Variants in TRIP4 observed in about 807,000 individuals in gnomAD.
TRIP4 encodes the protein activating signal cointegrator 1.
A neutral mutation model predicts 81.8 loss-of-function variants in TRIP4; 54 were observed. That is an observed-to-expected ratio of 0.66 (90% CI 0.53 to 0.83). TRIP4 has a LOEUF of 0.83. Among genes scored for constraint, TRIP4 ranks in the 40% least tolerant of loss-of-function variants. The probability of loss-of-function intolerance (pLI) is 0.00; values close to 1 mark genes in which losing one functional copy is unlikely to be tolerated. For missense variants in TRIP4, 662 were observed against 683.6 expected (o/e 0.97, Z 0.35); for synonymous variants, 270 against 242.8 (o/e 1.11, Z -1.04).
Position 64,455,005 on chromosome 15 carries a change from G to A in TRIP4, c.1687G>A (p.Asp563Asn), listed in dbSNP as rs146064000. Residue 563 changes from aspartate to asparagine, a missense_variant, in exon 13 of 13, where the codon GAT becomes AAT. Physicochemically the swap from Asp to Asn is conservative, Grantham distance 23 (BLOSUM62 1). Transcript: ENST00000261884. ...ATTTTTCTCCCTTACAGGGAAATTG[G>A]ATTCCAAGATCCATCAAGGAGCAAA... The part of the protein sequence containing the change: ...IKGNPKIWKL[D>N]SKIHQGAKKG... 2.7e-5 allele frequency: 44 copies of A among 1,613,842 alleles called. No homozygotes were observed. In the African/African-American group the frequency reaches 5.3e-4, roughly 20 times the overall value.
At position 64,425,611 on chromosome 15, in the gene TRIP4, C is replaced by T. The variant is rs780352033; in HGVS notation, c.1555C>T (p.Gln519Ter). The T allele has an allele frequency of 6.2e-7, 1 of 1,611,256 alleles. No individual in the cohort carries two copies. Among genetic ancestry groups the T allele is most frequent in the African/African-American group, 1.3e-5 (1 of 74,864 alleles). Residue 519 changes from glutamine to a stop codon, truncating the protein, a stop_gained, in exon 11 of 13, where the codon CAG becomes TAG. Transcript: ENST00000261884. LOFTEE classifies it high-confidence loss of function. ...TGTGGACCTAATTGACTGCTTGTCCCAGAAGCAATTTAAGGAGCAGGTGAG... is the reference window on the plus strand; with the variant it reads ...TGTGGACCTAATTGACTGCTTGTCCTAGAAGCAATTTAAGGAGCAGGTGAG... Reference protein sequence around the residue: ...GCVDLIDCLSQKQFKEQFPDI... With the variant: ...GCVDLIDCLS
At chr15:64,395,085 G>A (rs1222655935) in intron 2 of TRIP4, among the ~76,000 whole-genome samples, 1 of 146,716 alleles carries the variant, frequency 6.8e-6, no homozygotes, top group Non-Finnish European at 1.5e-5. Context: ...GGTTCAAACG[G>A]TCCACCTGTC....
At chr15:64,391,970 CAAAAAAAAAAA>C (rs35193532) in intron 1 of TRIP4, among the ~76,000 whole-genome samples, 1 of 23,242 alleles carries the variant, frequency 4.3e-5, no homozygotes, top group Non-Finnish European at 7.7e-5. Context: ...GACTCTGTCT[CAAAAAAAAAAA>C]AAAAAAAAAA....
intron 12 of TRIP4, among the ~76,000 whole-genome samples, chr15:64,447,612 C>G (rs1367300101): frequency 6.6e-6 from 1 of 152,248 alleles, no homozygotes; most frequent in East Asian, 1.9e-4. Context: ...ATTCGAAGAT[C>G]TGAACCAAGT....
intron 7 of TRIP4, among the ~76,000 whole-genome samples, chr15:64,411,005 T>C (rs527376913): frequency 3.3e-5 from 5 of 152,196 alleles, no homozygotes; most frequent in Non-Finnish European, 2.9e-5. Context: ...TCATCAAATT[T>C]GGCTTAAATT....
chr15:64,421,798 CT>C (rs535707950), intron 9 of TRIP4, among the ~76,000 whole-genome samples: 1 of 152,236 alleles, frequency 6.6e-6, no homozygotes, highest in African/African-American at 2.4e-5. Context: ...AATCCCAGCA[CT>C]TTGGGAGGTC....
chr15:64,417,635 C>A (rs1248845254), intron 8 of TRIP4, among the ~76,000 whole-genome samples: 1 of 152,104 alleles, frequency 6.6e-6, no homozygotes, highest in Non-Finnish European at 1.5e-5. Flanking sequence ...CCTTATAATT[C>A]TCTATTCTTT....
chr15:64,397,069 T>C (rs919207010), intron 3 of TRIP4, among the ~76,000 whole-genome samples: 1 of 152,240 alleles, frequency 6.6e-6, no homozygotes, highest in African/African-American at 2.4e-5. Context: ...ATTAGGTTTT[T>C]TTTGCCCTTT....
chr15:64,450,142 C>G (rs1892722110), intron 12 of TRIP4, among the ~76,000 whole-genome samples: 1 of 151,364 alleles, frequency 6.6e-6, no homozygotes, highest in Non-Finnish European at 1.5e-5. Context: ...GCCTGTAATC[C>G]CAGCACTTTG....
intron 11 of TRIP4, among the ~76,000 whole-genome samples, chr15:64,438,779 G>A (rs562392707): frequency 1.3e-5 from 2 of 152,160 alleles, no homozygotes; most frequent in Non-Finnish European, 2.9e-5. Context: ...TTATGTGGAG[G>A]TTCTAGCATA....
rs183976875 is a variant in TRIP4 at position 64,402,448 on chromosome 15, C to T, written c.697+1627C>T. Reference sequence around the variant, plus strand: ...GTTGGTCAGGCTGGTCTTGAGCTCCCGACCTCAGGTGTTCCACCCACCTCA... The same window carrying T: ...GTTGGTCAGGCTGGTCTTGAGCTCCTGACCTCAGGTGTTCCACCCACCTCA... On this transcript the variant is annotated intron_variant, in intron 5 of 12. Coordinates refer to ENST00000261884, the MANE Select transcript of TRIP4 (RefSeq NM_016213.5). Among the ~76,000 whole-genome samples, 292 of 151,834 alleles carry T rather than the reference C, an allele frequency of 1.9e-3. 1 individual carries two copies. The highest frequency in any genetic ancestry group is 0.017 in the Middle Eastern group (5 of 292).
chr15:64,397,590 T>C lies in TRIP4; in HGVS notation c.406-16T>C. 3 of 1,603,806 alleles carry C rather than the reference T, an allele frequency of 1.9e-6. No individual in the cohort carries two copies. Among genetic ancestry groups the C allele is most frequent in the Non-Finnish European group, 2.6e-6 (3 of 1,172,006 alleles). ...CATTAATTATTTGATGTTATTTTGA[T>C]GTCTTTGTACGATAGGCACAAGAGA... On this transcript the variant is annotated splice_polypyrimidine_tract_variant and intron_variant, in intron 3 of 12. Coordinates refer to ENST00000261884, the MANE Select transcript of TRIP4 (RefSeq NM_016213.5).
chr15:64,440,734 A>G (rs1008645255), intron 11 of TRIP4, among the ~76,000 whole-genome samples: 2 of 152,060 alleles, frequency 1.3e-5, no homozygotes, highest in African/African-American at 4.8e-5. Flanking sequence ...CAAGGAACCT[A>G]TTGTTATTTA....
intron 11 of TRIP4, among the ~76,000 whole-genome samples, chr15:64,431,293 A>G (rs997613053): frequency 3.9e-5 from 6 of 152,160 alleles, no homozygotes; most frequent in Non-Finnish European, 1.5e-5. Flanking sequence ...CTGAGACTCA[A>G]CAAGAAGAAA....
intron 12 of TRIP4, among the ~76,000 whole-genome samples, chr15:64,452,573 A>G (rs1415653267): frequency 6.6e-6 from 1 of 152,160 alleles, no homozygotes; most frequent in Non-Finnish European, 1.5e-5. Flanking sequence ...AATGCACTTC[A>G]TGTTAGCTAT....
chr15:64,402,163 T>C (rs972228851), intron 5 of TRIP4, among the ~76,000 whole-genome samples: 1 of 152,130 alleles, frequency 6.6e-6, no homozygotes, highest in Non-Finnish European at 1.5e-5. Context: ...ACTCTACTTA[T>C]TTTCTAATTA....
At chr15:64,420,707 T>G (rs890774690) in intron 9 of TRIP4, among the ~76,000 whole-genome samples, 1 of 151,806 alleles carries the variant, frequency 6.6e-6, no homozygotes, top group Non-Finnish European at 1.5e-5. Flanking sequence ...TATGTGTGTG[T>G]GTTTTTACTA....
chr15:64,422,184 C>G (rs1172185538), intron 9 of TRIP4, among the ~76,000 whole-genome samples: 1 of 152,030 alleles, frequency 6.6e-6, no homozygotes, highest in East Asian at 1.9e-4. Flanking sequence ...GTAGATTAGG[C>G]CAGTATTATT....
intron 11 of TRIP4, among the ~76,000 whole-genome samples, chr15:64,427,496 C>T (rs1360766796): frequency 3.9e-5 from 6 of 152,148 alleles, no homozygotes; most frequent in Non-Finnish European, 8.8e-5. Flanking sequence ...CCACCTCAGC[C>T]TCCCAGTAGC....
Sources: allele counts gnomAD v4.1 joint callset (sites outside exome capture counted in the v4.1 genomes callset), GRCh38; gene constraint gnomAD v4.1.1; transcripts MANE v1.5; gene names NCBI Gene and HGNC (gene_info 2026-07-23, HGNC 2026-07-21).